PTTG1IP2: variants seen among roughly 807,000 people sequenced by gnomAD.
The protein encoded by PTTG1IP2 is PTTG1IP family member 2.
rs556333043 is a variant in PTTG1IP2, at chr7:90,499,126, A to G, written c.*50+4696A>G. ...CTCAGCGTCCCAAAGTGCTGGAATT[A>G]CAGGCATGAGCCACTGCACATGGCC... On this transcript the variant is annotated intron_variant, in intron 6 of 6. Coordinates refer to ENST00000509356, the MANE Select transcript of PTTG1IP2 (RefSeq NM_001365443.2). 2.4e-4 allele frequency among the ~76,000 whole-genome samples: 37 copies of G among 152,342 alleles called. No individual in the cohort carries two copies. In the South Asian group the frequency reaches 4.8e-3, roughly 20 times the overall value.
At chr7:90,498,854 T>TA (rs1218634053) in intron 6 of PTTG1IP2, among the ~76,000 whole-genome samples, 14 of 152,000 alleles carry the variant, frequency 9.2e-5, no homozygotes, top group Non-Finnish European at 1.8e-4. Context: ...AATTTTTTTT[T>TA]AATTTTCTTT....
intron 6 of PTTG1IP2, among the ~76,000 whole-genome samples, chr7:90,503,191 T>A (rs988325675): frequency 5.3e-5 from 8 of 152,194 alleles, no homozygotes; most frequent in African/African-American, 1.9e-4. Flanking sequence ...TAGATTCCAA[T>A]GTTTCTTCTG....
At chr7:90,474,833 C>G (rs1441704663) in intron 1 of PTTG1IP2, among the ~76,000 whole-genome samples, 1 of 152,048 alleles carries the variant, frequency 6.6e-6, no homozygotes. Context: ...AAGAAAAGAA[C>G]CAATTTATTA....
At chr7:90,503,757 C>T (rs143139021) in intron 6 of PTTG1IP2, among the ~76,000 whole-genome samples, 1 of 152,238 alleles carries the variant, frequency 6.6e-6, no homozygotes, top group Non-Finnish European at 1.5e-5. Context: ...ACAATAGTAA[C>T]ATCAAAGATC....
At chr7:90,479,983 C>T (rs1348974642) in intron 2 of PTTG1IP2, among the ~76,000 whole-genome samples, 1 of 152,162 alleles carries the variant, frequency 6.6e-6, no homozygotes, top group Non-Finnish European at 1.5e-5. Context: ...GTCTATCACT[C>T]GTCTACTTTA....
chr7:90,487,430 C>T lies in PTTG1IP2; in HGVS notation c.286+10C>T, dbSNP rs1173801187. The T allele has an allele frequency of 6.6e-6, 1 of 152,446 alleles. No homozygotes were observed. Among genetic ancestry groups the T allele is most frequent in the Non-Finnish European group, 1.5e-5 (1 of 68,002 alleles). The allele number at this position is 152,446 out of a possible 1,614,324, so 9.4% of individuals were successfully genotyped here. A position where few individuals can be genotyped will look rare whatever the true frequency, so the allele number is the denominator to read the frequency against. ...TGGTTAAACTGTAAAGGTGAGTTGT[C>T]CTTATTTAGATTTTTATGTTCTTTA... On this transcript the variant is annotated intron_variant, in intron 3 of 6. Transcript: ENST00000509356.
chr7:90,482,275 C>A (rs1421965998), intron 2 of PTTG1IP2, among the ~76,000 whole-genome samples: 1 of 152,022 alleles, frequency 6.6e-6, no homozygotes, highest in African/African-American at 2.4e-5. Context: ...GTATATTGTG[C>A]TACTTTATGT....
At chr7:90,478,532 A>G (rs1388886419) in intron 1 of PTTG1IP2, among the ~76,000 whole-genome samples, 1 of 152,212 alleles carries the variant, frequency 6.6e-6, no homozygotes, top group East Asian at 1.9e-4. Context: ...AATTAAATAG[A>G]AAGATTTGAC....
intron 3 of PTTG1IP2, among the ~76,000 whole-genome samples, chr7:90,488,370 C>T (rs1797900813): frequency 6.6e-6 from 1 of 151,806 alleles, no homozygotes; most frequent in African/African-American, 2.4e-5. Flanking sequence ...TTACAACATA[C>T]CAAGCTAATA....
intron 6 of PTTG1IP2, among the ~76,000 whole-genome samples, chr7:90,500,867 A>G (rs762351789): frequency 6.6e-6 from 1 of 152,350 alleles, no homozygotes; most frequent in South Asian, 2.1e-4. Flanking sequence ...GCAGCACACC[A>G]TAGCATCCAC....
intron 2 of PTTG1IP2, among the ~76,000 whole-genome samples, chr7:90,485,197 A>G (rs1218670300): frequency 3.3e-5 from 5 of 152,208 alleles, no homozygotes; most frequent in Non-Finnish European, 1.5e-5. Flanking sequence ...AGATTTTAAA[A>G]ATAAACGACC....
chr7:90,490,509 T>A (rs753134704), intron 4 of PTTG1IP2, among the ~76,000 whole-genome samples: 12 of 151,764 alleles, frequency 7.9e-5, no homozygotes, highest in Admixed American at 2.0e-4. Flanking sequence ...GGTCAGGAAC[T>A]TTGTATTTTT....
chr7:90,496,644 A>G lies in PTTG1IP2; in HGVS notation c.*50+2214A>G, dbSNP rs933148103. ...TTTTAACTCTTCTTACTATAATAGT[A>G]TAACTTTCAGTTTTGTTGATTCTTT... On this transcript the variant is annotated intron_variant, in intron 6 of 6. Transcript: ENST00000509356. Among the ~76,000 whole-genome samples, 5 of 152,186 alleles carry G rather than the reference A, an allele frequency of 3.3e-5. No homozygotes were observed. The South Asian group carries it at 8.3e-4, about 25-fold the overall frequency.
chr7:90,496,822 G>A (rs1394577409), intron 6 of PTTG1IP2, among the ~76,000 whole-genome samples: 1 of 152,028 alleles, frequency 6.6e-6, no homozygotes, highest in Non-Finnish European at 1.5e-5. Context: ...ATGTAGGCAT[G>A]ATTGTTATTA....
chr7:90,474,643 G>C (rs1797726852), intron 1 of PTTG1IP2, among the ~76,000 whole-genome samples: 1 of 152,172 alleles, frequency 6.6e-6, no homozygotes, highest in Non-Finnish European at 1.5e-5. Flanking sequence ...ACTGCCCCAG[G>C]TTAACAGTGA....
intron 4 of PTTG1IP2, 144 bp downstream of exon 4, chr7:90,489,108 G>T (rs1378736171): frequency 6.7e-6 from 1 of 150,088 alleles, no homozygotes; most frequent in East Asian, 1.9e-4. Flanking sequence ...AGTCCAAAAA[G>T]TACGGAAATT....
chr7:90,482,757 C>A (rs530876973), intron 2 of PTTG1IP2, among the ~76,000 whole-genome samples: 2 of 152,136 alleles, frequency 1.3e-5, no homozygotes, highest in East Asian at 3.9e-4. Context: ...TAATGAGCAT[C>A]ATAAGACTGT....
intron 2 of PTTG1IP2, among the ~76,000 whole-genome samples, chr7:90,482,514 C>CA (rs1491161699): frequency 4.4e-4 from 66 of 150,610 alleles, no homozygotes; most frequent in African/African-American, 9.3e-4. Flanking sequence ...AACCCCCCCC[C>CA]CACACAACTC....
At chr7:90,496,593 GT>G (rs58024674) in intron 6 of PTTG1IP2, among the ~76,000 whole-genome samples, 7,286 of 151,870 alleles carry the variant, frequency 0.048, 426 homozygotes, top group East Asian at 0.16. Context: ...CATTAGTTTT[GT>G]TAATTTTTTA....
Sources: allele counts gnomAD v4.1 joint callset (sites outside exome capture counted in the v4.1 genomes callset), GRCh38; gene constraint gnomAD v4.1.1; transcripts MANE v1.5; gene names NCBI Gene and HGNC (gene_info 2026-07-23, HGNC 2026-07-21).